OR8J1: variants seen among roughly 807,000 people sequenced by gnomAD.
OR8J1 encodes olfactory receptor family 8 subfamily J member 1.
For synonymous variants in OR8J1, 157 were observed against 144.3 expected (o/e 1.09, Z -0.63); for missense variants, 400 against 373.0 (o/e 1.07, Z -0.60).
chr11:56,361,383 G>T lies in OR8J1; in HGVS notation c.*186G>T, dbSNP rs76531792. 6.9e-4 allele frequency: 272 copies of T among 392,016 alleles called. 1 individual carries two copies. The highest frequency in any genetic ancestry group is 5.4e-3 in the African/African-American group (259 of 47,974). 24.3% of individuals were successfully genotyped at this position (392,016 alleles called of 1,614,324 possible). A position where few individuals can be genotyped will look rare whatever the true frequency, so the allele number is the denominator to read the frequency against. Reference sequence around the variant, plus strand: ...AAACTGAAACCCTTTGAGTTGTGAGGTTAAGTTAGAAAAAAAAAATGTTAT... The same window carrying T: ...AAACTGAAACCCTTTGAGTTGTGAGTTTAAGTTAGAAAAAAAAAATGTTAT... On this transcript the variant is annotated 3_prime_UTR_variant, in exon 2 of 2. Coordinates refer to ENST00000533152, the MANE Select transcript of OR8J1 (RefSeq NM_001005205.3).
At chr11:56,359,426 C>T (rs1285127086) in intron 1 of OR8J1, among the ~76,000 whole-genome samples, 1 of 151,518 alleles carries the variant, frequency 6.6e-6, no homozygotes, top group Non-Finnish European at 1.5e-5. Flanking sequence ...AAAATAATAT[C>T]TAATTATATA....
Position 56,360,378 on chromosome 11 carries a change from C to T in OR8J1, c.132C>T (p.Gly44=), listed in dbSNP as rs1192250418. The T allele has an allele frequency of 6.2e-7, 1 of 1,614,006 alleles. No homozygotes were observed. Among genetic ancestry groups the T allele is most frequent in the South Asian group, 1.1e-5 (1 of 91,072 alleles). ...GGCTGACCATGGCAGGGAACCTGGGCATCATCACCCTCACCAGTGTTGACT... is the reference window on the plus strand; with the variant it reads ...GGCTGACCATGGCAGGGAACCTGGGTATCATCACCCTCACCAGTGTTGACT... ...LYGLTMAGNL[G]IITLTSVDSR... is the part of the protein sequence containing the mutation. Residue 44 remains glycine (G), a synonymous_variant, in exon 2 of 2, where the codon GGC becomes GGT. Coordinates refer to ENST00000533152, the MANE Select transcript of OR8J1 (RefSeq NM_001005205.3).
At chr11:56,357,307 CCT>C in intron 1 of OR8J1, 3 of 529,328 alleles carry the variant, frequency 5.7e-6, no homozygotes, top group Non-Finnish European at 1.0e-5. Context: ...TGGATGCGGG[CCT>C]CTCTTCAGCA....
At chr11:56,360,206 C>G (rs752200364) in intron 1 of OR8J1, 21 bp from the exon 2 acceptor site, 1 of 1,484,660 alleles carries the variant, frequency 6.7e-7, no homozygotes, top group South Asian at 1.3e-5. Flanking sequence ...AAGTTTTTAA[C>G]CTCTCTTTTC....
chr11:56,360,120 G>A, intron 1 of OR8J1, 107 bp from the exon 2 acceptor site: 1 of 686,484 alleles, frequency 1.5e-6, no homozygotes, highest in East Asian at 2.8e-5. Context: ...CTGAGTTAGA[G>A]TAATAAACAA....
In OR8J1 at chr11:56,361,262, T is replaced by C. The variant is rs1011032909; in HGVS notation, c.*65T>C. ...AGCTGCCATTATGTAAAAGAAAATG[T>C]AGGAAAAAGAAAAGGTAGGTAGCCG... On this transcript the variant is annotated 3_prime_UTR_variant, in exon 2 of 2. Coordinates refer to ENST00000533152, the MANE Select transcript of OR8J1 (RefSeq NM_001005205.3). 1.1e-5 allele frequency: 7 copies of C among 659,970 alleles called. No individual in the cohort carries two copies. The highest frequency in any genetic ancestry group is 1.3e-5 in the Non-Finnish European group (6 of 445,848). The allele number at this position is 659,970 out of a possible 1,614,324, so 40.9% of individuals were successfully genotyped here.
chr11:56,356,899 CAA>C (rs1854976073), intron 1 of OR8J1, among the ~76,000 whole-genome samples: 1 of 152,014 alleles, frequency 6.6e-6, no homozygotes, highest in Non-Finnish European at 1.5e-5. Context: ...GTCTCATATT[CAA>C]AAATGGCACA....
intron 1 of OR8J1, among the ~76,000 whole-genome samples, chr11:56,356,699 T>C (rs1854973154): frequency 6.6e-6 from 1 of 152,192 alleles, no homozygotes; most frequent in Non-Finnish European, 1.5e-5. Context: ...ATTATAAATT[T>C]TTATAAAATC....
At chr11:56,359,844 GA>G (rs1203190109) in intron 1 of OR8J1, among the ~76,000 whole-genome samples, 1 of 152,138 alleles carries the variant, frequency 6.6e-6, no homozygotes, top group East Asian at 1.9e-4. Flanking sequence ...CTCAAATTTA[GA>G]AATTGGATTA....
At chr11:56,355,127 T>C (rs7950725) in intron 1 of OR8J1, among the ~76,000 whole-genome samples, 8,978 of 152,142 alleles carry the variant, frequency 0.059, 366 homozygotes, top group Non-Finnish European at 0.083. Context: ...TAAAATAGCA[T>C]GTTCAAAAGT....
Position 56,360,900 on chromosome 11 carries a change from T to C in OR8J1, c.654T>C (p.Tyr218=). The C allele has an allele frequency of 6.7e-7, 1 of 1,492,186 alleles. No homozygotes were observed. Among genetic ancestry groups the C allele is most frequent in the Non-Finnish European group, 8.9e-7 (1 of 1,124,760 alleles). 92.4% of individuals were successfully genotyped at this position (1,492,186 alleles called of 1,614,324 possible). Residue 218 remains tyrosine (Y), a synonymous_variant, in exon 2 of 2, where the codon TAT becomes TAC. Transcript: ENST00000533152. ...VGSLIIVLVS[Y]FNIVLSILKI... ...CCTTGATTATAGTTCTAGTATCTTA[T>C]TTCAATATTGTTTTGTCTATTTTAA... is the stretch of plus-strand genomic sequence containing the variant.
In OR8J1 at chr11:56,361,129, A is replaced by G. The variant is rs767416211; in HGVS notation, c.883A>G (p.Asn295Asp). 1.3e-5 allele frequency: 19 copies of G among 1,486,518 alleles called. No homozygotes were observed. The highest frequency in any genetic ancestry group is 1.7e-5 in the Non-Finnish European group (19 of 1,126,400). The allele number at this position is 1,486,518 out of a possible 1,614,324, so 92.1% of individuals were successfully genotyped here. A position where few individuals can be genotyped will look rare whatever the true frequency, so the allele number is the denominator to read the frequency against. The change falls in exon 2 of 2, where the codon AAT becomes GAT. Residue 295 changes from asparagine (N) to aspartate (D), a missense_variant. Coordinates refer to ENST00000533152, the MANE Select transcript of OR8J1 (RefSeq NM_001005205.3). ...MLNPLIYSLR[N>D]KDVKTALQRF... Reference sequence around the variant, plus strand: ...GAATCCCTTGATCTACAGCCTGAGGAATAAGGATGTGAAGACTGCTCTACA... The same window carrying G: ...GAATCCCTTGATCTACAGCCTGAGGGATAAGGATGTGAAGACTGCTCTACA...
chr11:56,356,330 G>A (rs1241308345), intron 1 of OR8J1, among the ~76,000 whole-genome samples: 2 of 152,164 alleles, frequency 1.3e-5, no homozygotes, highest in African/African-American at 4.8e-5. Context: ...TATGACTTTT[G>A]TGATTAAAAA....
rs1460533570 is a variant in OR8J1, at chr11:56,360,550, G to T, written c.304G>T (p.Gly102Ter). 6.2e-7 allele frequency: 1 copy of T among 1,614,020 alleles called. No individual in the cohort carries two copies. The highest frequency in any genetic ancestry group is 1.7e-5 in the Admixed American group (1 of 59,988). ...TSFYECATQL[G>*]GFLFFIVSEV... ...ATTCTATGAATGTGCCACCCAACTG[G>T]GAGGGTTCTTGTTCTTTATTGTATC... Residue 102 changes from glycine (G) to a stop codon, truncating the protein, a stop_gained, in exon 2 of 2, where the codon GGA (glycine) becomes TGA (stop). Coordinates refer to ENST00000533152, the MANE Select transcript of OR8J1 (RefSeq NM_001005205.3). LOFTEE classifies it low-confidence loss of function (END_TRUNC).
intron 1 of OR8J1, among the ~76,000 whole-genome samples, chr11:56,355,957 G>A (rs61903528): frequency 0.059 from 8,978 of 152,226 alleles, 365 homozygotes; most frequent in Non-Finnish European, 0.083. Context: ...ATCAATAACA[G>A]TGAAGACATG....
intron 1 of OR8J1, among the ~76,000 whole-genome samples, chr11:56,359,744 A>T (rs12788002): frequency 1.3e-5 from 2 of 152,192 alleles, no homozygotes; most frequent in Admixed American, 1.3e-4. Context: ...TTAAATGTGC[A>T]TAATACACAT....
chr11:56,360,530 A>G lies in OR8J1; in HGVS notation c.284A>G (p.Tyr95Cys). Residue 95 changes from tyrosine to cysteine, a missense_variant, in exon 2 of 2, where the codon TAT (tyrosine) becomes TGT (cysteine). Physicochemically the swap from Tyr to Cys is radical, Grantham distance 194. Transcript: ENST00000533152. ...GTAAAGAAGAAAACTACCTCATTCT[A>G]TGAATGTGCCACCCAACTGGGAGGG... ...FLVKKKTTSF[Y>C]ECATQLGGFL... 1 of 1,614,126 alleles carries G rather than the reference A, an allele frequency of 6.2e-7. No individual in the cohort carries two copies. The highest frequency in any genetic ancestry group is 1.3e-5 in the African/African-American group (1 of 75,032).
rs376550127 is a variant in OR8J1, at chr11:56,361,007, C to T, written c.761C>T (p.Thr254Ile). Residue 254 changes from threonine to isoleucine, a missense_variant, in exon 2 of 2, where the codon ACA becomes ATA. By Grantham distance (89) the Thr-to-Ile change is moderately conservative. Coordinates refer to ENST00000533152, the MANE Select transcript of OR8J1 (RefSeq NM_001005205.3). ...ATGGCAGTCACAATTTTTTATGGGA[C>T]ATTGCTATTCATGTATGTGCAGCCC... ...HMMAVTIFYG[T>I]LLFMYVQPRS... is the part of the protein sequence containing the mutation. 44 of 1,493,362 alleles carry T rather than the reference C, an allele frequency of 2.9e-5. No homozygotes were observed. Among genetic ancestry groups the T allele is most frequent in the Non-Finnish European group, 3.5e-5 (40 of 1,127,180 alleles). 92.5% of individuals were successfully genotyped at this position (1,493,362 alleles called of 1,614,324 possible). A position where few individuals can be genotyped will look rare whatever the true frequency, so the allele number is the denominator to read the frequency against.
chr11:56,356,446 C>T (rs7940239), intron 1 of OR8J1, among the ~76,000 whole-genome samples: 107,404 of 152,052 alleles, frequency 0.71, 38,250 homozygotes, highest in East Asian at 0.86. Flanking sequence ...TAAGCATTTA[C>T]ATTGGCTGAT....
Sources: gnomAD v4.1 joint callset for allele counts (sites outside exome capture counted in the v4.1 genomes callset) on GRCh38, gnomAD v4.1.1 for gene constraint, MANE v1.5 for transcripts, NCBI Gene and HGNC (gene_info 2026-07-23, HGNC 2026-07-21) for gene names.